The following EMP2 variants were observed in gnomAD, a reference collection of about 807,000 sequenced individuals.
EMP2 encodes epithelial membrane protein 2.
In EMP2, 19 loss-of-function variants were observed where a neutral mutation model predicts 13.7. That is an observed-to-expected ratio of 1.38 (90% confidence interval 0.97 to 2.03). The LOEUF is 2.03. EMP2 is among the 30% of genes most tolerant of loss of function. EMP2 has a pLI of 0.00. For missense variants in EMP2, 253 were observed against 220.7 expected, an observed-to-expected ratio of 1.15 and a Z score of -0.93; for synonymous variants, 97 against 84.7, an observed-to-expected ratio of 1.15 and a Z score of -0.80.
At chr16:10,549,611 G>GA (rs113887487) in intron 1 of EMP2, among the ~76,000 whole-genome samples, 11 of 151,620 alleles carry the variant, frequency 7.3e-5, no homozygotes, top group African/African-American at 2.7e-4. Context: ...CATTTTTTTG[G>GA]AAAAAAATTA....
At chr16:10,574,654 C>G (rs1229968318) in intron 1 of EMP2, among the ~76,000 whole-genome samples, 1 of 152,060 alleles carries the variant, frequency 6.6e-6, no homozygotes, top group Non-Finnish European at 1.5e-5. Flanking sequence ...TGGGTTCACA[C>G]CATTCTCCTG....
At chr16:10,561,185 A>G (rs527335926) in intron 1 of EMP2, among the ~76,000 whole-genome samples, 3 of 152,308 alleles carry the variant, frequency 2.0e-5, no homozygotes, top group African/African-American at 7.2e-5. Flanking sequence ...AAGAGGGCAC[A>G]TGATTCTAGT....
intron 3 of EMP2, 143 bp downstream of exon 3, chr16:10,543,427 C>G: frequency 1.1e-6 from 1 of 881,964 alleles, no homozygotes; most frequent in African/African-American, 1.7e-5. Flanking sequence ...CGCTCCAGCA[C>G]ACACTGAGCA....
intron 3 of EMP2, among the ~76,000 whole-genome samples, chr16:10,539,547 A>G (rs376921318): frequency 6.6e-6 from 1 of 152,114 alleles, no homozygotes; most frequent in Non-Finnish European, 1.5e-5. Flanking sequence ...CGGGGCAGAA[A>G]GCGGTAGCAA....
intron 1 of EMP2, among the ~76,000 whole-genome samples, chr16:10,567,495 G>T (rs776751896): frequency 3.9e-5 from 6 of 152,194 alleles, no homozygotes; most frequent in African/African-American, 1.4e-4. Context: ...GGGGCAGGGG[G>T]AGCAGGGGCT....
chr16:10,573,481 T>C (rs1329548507), intron 1 of EMP2, among the ~76,000 whole-genome samples: 1 of 152,182 alleles, frequency 6.6e-6, no homozygotes, highest in Non-Finnish European at 1.5e-5. Context: ...CATCATTTCC[T>C]TGTCTCTGGA....
At chr16:10,542,455 C>T (rs1406185867) in intron 3 of EMP2, among the ~76,000 whole-genome samples, 2 of 150,148 alleles carry the variant, frequency 1.3e-5, no homozygotes, top group Non-Finnish European at 3.0e-5. Flanking sequence ...CCCCCACCAA[C>T]AAAACCAAAT....
In EMP2 at chr16:10,528,964, C is replaced by T. The variant is rs757667222; in HGVS notation, c.*3941G>A. On this transcript the variant is annotated 3_prime_UTR_variant, in exon 5 of 5. Coordinates refer to ENST00000359543, the MANE Select transcript of EMP2 (RefSeq NM_001424.6). ...CATGAGGGGTGTCCACAAAAGCACG[C>T]AAACTATAGCAGAGTGTGTGGGAGT... 3 of 152,154 alleles carry T rather than the reference C, an allele frequency of 2.0e-5. No individual in the cohort carries two copies. Among genetic ancestry groups the T allele is most frequent in the Non-Finnish European group, 4.4e-5 (3 of 68,042 alleles). The allele number at this position is 152,154 out of a possible 1,614,324, so 9.4% of individuals were successfully genotyped here.
Position 10,538,058 on chromosome 16 carries a change from C to T in EMP2, c.186G>A (p.Gln62=). ...AGAGGATCATGGTGGCCTGGACCGC[C>T]TGCAGCGTGGAGTACTCTGCGGGAA... ...NDSFQEYSTL[Q]AVQATMILST... The change falls in exon 4 of 5, where the codon CAG becomes CAA. Residue 62 remains glutamine (Q), a synonymous_variant. Transcript: ENST00000359543. 6.2e-7 allele frequency: 1 copy of T among 1,613,882 alleles called. No individual in the cohort carries two copies. The highest frequency in any genetic ancestry group is 8.5e-7 in the Non-Finnish European group (1 of 1,179,970).
chr16:10,546,710 T>C (rs1168307555), intron 2 of EMP2: 1 of 152,148 alleles, frequency 6.6e-6, no homozygotes, highest in Non-Finnish European at 1.5e-5. Context: ...ATATTTTGGA[T>C]TGTCATAACC....
At chr16:10,570,443 G>C (rs956340823) in intron 1 of EMP2, among the ~76,000 whole-genome samples, 2 of 152,094 alleles carry the variant, frequency 1.3e-5, no homozygotes, top group Non-Finnish European at 2.9e-5. Context: ...GTCACCCAGA[G>C]CTTGAATGCA....
chr16:10,560,336 C>T (rs149130229), intron 1 of EMP2, among the ~76,000 whole-genome samples: 78 of 152,302 alleles, frequency 5.1e-4, no homozygotes, highest in Non-Finnish European at 8.2e-4. Context: ...CTCTTCCCAC[C>T]GCCGCACGCA....
At chr16:10,543,728 G>C in intron 2 of EMP2, 68 bp from the exon 3 acceptor site, 1 of 1,469,260 alleles carries the variant, frequency 6.8e-7, no homozygotes, top group Middle Eastern at 1.7e-4. Flanking sequence ...CTGCTAATTA[G>C]GCACGAGGCA....
At position 10,574,585 on chromosome 16, in the gene EMP2, G is replaced by T. The variant is rs552812166; in HGVS notation, c.-61+5964C>A. On this transcript the variant is annotated intron_variant, in intron 1 of 4. Coordinates refer to ENST00000359543, the MANE Select transcript of EMP2 (RefSeq NM_001424.6). Reference sequence around the variant, plus strand: ...TATACATTTTTTTTTTTGAGATGGAGTCTCGCTCTGTCACCCAGGCTGCAG... The same window carrying T: ...TATACATTTTTTTTTTTGAGATGGATTCTCGCTCTGTCACCCAGGCTGCAG... Among the ~76,000 whole-genome samples the T allele has an allele frequency of 6.6e-5, 10 of 151,864 alleles. No homozygotes were observed. In the South Asian group the frequency reaches 2.1e-3, roughly 32 times the overall value.
chr16:10,537,140 AT>A (rs2050653821), intron 4 of EMP2, among the ~76,000 whole-genome samples: 2 of 152,202 alleles, frequency 1.3e-5, no homozygotes, highest in Non-Finnish European at 1.5e-5. Context: ...TCAACTCCTG[AT>A]TGGAAAGCAC....
chr16:10,562,930 T>C (rs2142201340), intron 1 of EMP2, among the ~76,000 whole-genome samples: 1 of 152,306 alleles, frequency 6.6e-6, no homozygotes, highest in South Asian at 2.1e-4. Context: ...CCTATAATTA[T>C]GCTACCCAGT....
At chr16:10,563,617 C>T (rs2050887601) in intron 1 of EMP2, among the ~76,000 whole-genome samples, 1 of 152,156 alleles carries the variant, frequency 6.6e-6, no homozygotes, top group African/African-American at 2.4e-5. Context: ...GACTAGGAAA[C>T]CAGGACCCCA....
At chr16:10,564,602 C>T (rs1218456965) in intron 1 of EMP2, among the ~76,000 whole-genome samples, 1 of 151,576 alleles carries the variant, frequency 6.6e-6, no homozygotes, top group Non-Finnish European at 1.5e-5. Flanking sequence ...CATTATCAAT[C>T]ATCACCAGCA....
intron 1 of EMP2, among the ~76,000 whole-genome samples, chr16:10,560,946 G>C (rs1002058536): frequency 1.3e-5 from 2 of 152,222 alleles, no homozygotes; most frequent in African/African-American, 4.8e-5. Flanking sequence ...GGCCAAGGGG[G>C]CTGGGGAAGC....
Sources: allele counts gnomAD v4.1 joint callset (sites outside exome capture counted in the v4.1 genomes callset), GRCh38; gene constraint gnomAD v4.1.1; transcripts MANE v1.5; gene names NCBI Gene and HGNC (gene_info 2026-07-23, HGNC 2026-07-21).